Variants in SNX29 observed in about 807,000 individuals in gnomAD.
SNX29 encodes sorting nexin-29.
A neutral mutation model predicts 102.1 loss-of-function variants in SNX29; 78 were observed. The ratio of observed to expected loss-of-function variants is 0.76; its 90% CI spans 0.64 to 0.92. SNX29 has a LOEUF of 0.92. Among genes scored for constraint, SNX29 ranks in the 40% least tolerant of loss-of-function variants. The pLI is 0.00. For synonymous variants in SNX29, 580 were observed against 414.5 expected (o/e 1.40, Z -4.85); for missense variants, 1,280 against 1,061.7 (o/e 1.21, Z -2.86).
chr16:12,020,501 C>G (rs2151091639), intron 3 of SNX29, among the ~76,000 whole-genome samples: 1 of 152,160 alleles, frequency 6.6e-6, no homozygotes, highest in Non-Finnish European at 1.5e-5. Context: ...TGCGCCCCAC[C>G]TGTTCTTAGA....
rs545626780 is a variant in SNX29 at position 12,569,683 on chromosome 16, G to A, written c.*1054G>A. The A allele has an allele frequency of 1.4e-4, 32 of 230,116 alleles. No individual in the cohort carries two copies. Among genetic ancestry groups the A allele is most frequent in the African/African-American group, 6.4e-4 (29 of 45,264 alleles). The allele number at this position is 230,116 out of a possible 1,614,324, so 14.3% of individuals were successfully genotyped here. ...CATGTCAGGTGGCTCTCAGAGTACAGGGACCTTGGCAGGTGGAGAGGAGGA... is the reference window on the plus strand; with the variant it reads ...CATGTCAGGTGGCTCTCAGAGTACAAGGACCTTGGCAGGTGGAGAGGAGGA... On this transcript the variant is annotated 3_prime_UTR_variant, in exon 21 of 21. Transcript: ENST00000566228.
intron 1 of SNX29, among the ~76,000 whole-genome samples, chr16:11,988,376 G>A (rs417938): frequency 0.41 from 61,992 of 151,478 alleles, 14,204 homozygotes; most frequent in Non-Finnish European, 0.52. Flanking sequence ...CATATAATTT[G>A]CATTTCTCCA....
intron 11 of SNX29, among the ~76,000 whole-genome samples, chr16:12,120,922 T>C (rs1172408784): frequency 2.6e-5 from 4 of 152,218 alleles, no homozygotes; most frequent in Non-Finnish European, 4.4e-5. Flanking sequence ...AAATTACAGC[T>C]GTGAACCTGC....
At chr16:12,551,953 C>A (rs1461152501) in intron 20 of SNX29, among the ~76,000 whole-genome samples, 1 of 152,210 alleles carries the variant, frequency 6.6e-6, no homozygotes, top group African/African-American at 2.4e-5. Flanking sequence ...TGAGATTCCC[C>A]AGCCAGGCTG....
chr16:12,026,028 A>G (rs892501297), intron 3 of SNX29, among the ~76,000 whole-genome samples: 1 of 152,148 alleles, frequency 6.6e-6, no homozygotes, highest in African/African-American at 2.4e-5. Flanking sequence ...GTATGAAAAT[A>G]TTTTACTACC....
chr16:12,148,747 G>T (rs906298982), intron 13 of SNX29, among the ~76,000 whole-genome samples: 3 of 152,066 alleles, frequency 2.0e-5, no homozygotes, highest in South Asian at 4.2e-4. Context: ...GCCCAGGCTG[G>T]AGTACAATGG....
intron 20 of SNX29, among the ~76,000 whole-genome samples, chr16:12,545,053 C>A (rs192913662): frequency 6.6e-6 from 1 of 152,268 alleles, no homozygotes; most frequent in Admixed American, 6.5e-5. Context: ...TGCCCTGCTC[C>A]TGTAGCATAG....
chr16:12,366,042 CAAAAAAA>C (rs55895030), intron 16 of SNX29, among the ~76,000 whole-genome samples: 3,637 of 72,320 alleles, frequency 0.05, 98 homozygotes, highest in African/African-American at 0.095. Context: ...ACTCTTGTCT[CAAAAAAA>C]AAAAAAAAAA....
At chr16:12,338,788 C>T (rs2081528361) in intron 15 of SNX29, among the ~76,000 whole-genome samples, 1 of 152,178 alleles carries the variant, frequency 6.6e-6, no homozygotes, top group African/African-American at 2.4e-5. Flanking sequence ...TACCCCATCC[C>T]CACCCCCAGA....
At chr16:12,527,028 G>A in intron 20 of SNX29, 1 of 401,420 alleles carries the variant, frequency 2.5e-6, no homozygotes, top group Admixed American at 3.8e-5. Context: ...TGTGGCAAAT[G>A]ACACAGTGTT....
chr16:12,173,776 T>C (rs1180122969), intron 13 of SNX29, among the ~76,000 whole-genome samples: 1 of 152,206 alleles, frequency 6.6e-6, no homozygotes, highest in African/African-American at 2.4e-5. Context: ...TGGGTGCTGC[T>C]GCCCCTCTGC....
chr16:12,031,037 G>A (rs993629196), intron 4 of SNX29, among the ~76,000 whole-genome samples: 4 of 151,926 alleles, frequency 2.6e-5, no homozygotes, highest in Non-Finnish European at 5.9e-5. Context: ...CCTGTGCTTT[G>A]CTTGGTGCCT....
At chr16:12,351,022 C>G (rs958715506) in intron 15 of SNX29, among the ~76,000 whole-genome samples, 1 of 152,198 alleles carries the variant, frequency 6.6e-6, no homozygotes, top group African/African-American at 2.4e-5. Flanking sequence ...GCAAAGAGCA[C>G]AGATAGTAGG....
At chr16:12,448,779 C>A (rs549618047) in intron 18 of SNX29, among the ~76,000 whole-genome samples, 10 of 152,188 alleles carry the variant, frequency 6.6e-5, no homozygotes, top group Non-Finnish European at 1.5e-4. Context: ...CAGTCTTTCT[C>A]CAAGACAACA....
At chr16:12,432,319 T>G (rs763778605) in intron 18 of SNX29, among the ~76,000 whole-genome samples, 1 of 152,220 alleles carries the variant, frequency 6.6e-6, no homozygotes, top group Non-Finnish European at 1.5e-5. Flanking sequence ...CCAGAAACCT[T>G]GTGGTGTGGT....
Position 12,571,810 on chromosome 16 carries a change from C to G in SNX29, c.*3181C>G. On this transcript the variant is annotated 3_prime_UTR_variant, in exon 21 of 21. Transcript: ENST00000566228. ...CTCTTCCTGCAATCAGTGTGAAATT[C>G]CAGCTTCTTTGATTCCCACTTAGCA... 2 of 1,029,634 alleles carry G rather than the reference C, an allele frequency of 1.9e-6. No homozygotes were observed. Among genetic ancestry groups the G allele is most frequent in the Non-Finnish European group, 2.4e-6 (2 of 847,960 alleles). 63.8% of individuals were successfully genotyped at this position (1,029,634 alleles called of 1,614,324 possible).
At chr16:12,107,943 C>G (rs1430151473) in intron 11 of SNX29, among the ~76,000 whole-genome samples, 1 of 147,122 alleles carries the variant, frequency 6.8e-6, no homozygotes, top group Non-Finnish European at 1.5e-5. Context: ...AGGCTGTGAG[C>G]TTTTTTTTTT....
chr16:12,293,029 TTAATA>T (rs1215155207), intron 15 of SNX29, among the ~76,000 whole-genome samples: 1 of 152,252 alleles, frequency 6.6e-6, no homozygotes, highest in Non-Finnish European at 1.5e-5. Flanking sequence ...TAAATCTAAA[TTAATA>T]TAATTGACAC....
At chr16:12,254,036 G>A (rs2078497159) in intron 14 of SNX29, among the ~76,000 whole-genome samples, 1 of 152,142 alleles carries the variant, frequency 6.6e-6, no homozygotes, top group South Asian at 2.1e-4. Context: ...TGCCTCCAGG[G>A]CATTGTCCTG....
Sources: allele counts gnomAD v4.1 joint callset (sites outside exome capture counted in the v4.1 genomes callset), GRCh38; gene constraint gnomAD v4.1.1; transcripts MANE v1.5; gene names NCBI Gene and HGNC (gene_info 2026-07-23, HGNC 2026-07-21).